Variants in MARCHF5 observed in about 807,000 individuals in gnomAD.
MARCHF5 encodes the protein membrane associated ring-CH-type finger 5, also known as E3 ubiquitin-protein ligase MARCHF5.
MARCHF5 carries 5 observed loss-of-function variants against 36.5 expected under a neutral mutation model. That is an observed-to-expected ratio of 0.14 (90% confidence interval 0.07 to 0.29). The LOEUF (loss-of-function observed/expected upper bound fraction) is 0.29. Ranked by LOEUF, MARCHF5 falls within the 10% of genes least tolerant of loss-of-function variation. The pLI, the probability that MARCHF5 is intolerant of heterozygous loss-of-function variation, is 1.00. For missense variants in MARCHF5, 179 were observed against 336.3 expected, an observed-to-expected ratio of 0.53 and a Z score of 3.66; for synonymous variants, 103 against 109.9, an observed-to-expected ratio of 0.94 and a Z score of 0.39.
At chr10:92,311,903 A>C (rs1843149327) in intron 2 of MARCHF5, among the ~76,000 whole-genome samples, 1 of 152,208 alleles carries the variant, frequency 6.6e-6, no homozygotes, top group Non-Finnish European at 1.5e-5. Flanking sequence ...ATGGAAAAAA[A>C]GTATAGCAGA....
At chr10:92,334,895 AT>A (rs993693779) in intron 2 of MARCHF5, among the ~76,000 whole-genome samples, 1 of 152,160 alleles carries the variant, frequency 6.6e-6, no homozygotes, top group Non-Finnish European at 1.5e-5. Context: ...AAGCTTCTTT[AT>A]TATACAAAAG....
intron 2 of MARCHF5, among the ~76,000 whole-genome samples, chr10:92,328,642 A>G (rs919423087): frequency 8.6e-5 from 13 of 151,518 alleles, no homozygotes; most frequent in African/African-American, 2.9e-4. Flanking sequence ...AACTCTGAGT[A>G]GAGTTATATT....
chr10:92,314,046 AAAAG>A (rs1843177711), intron 2 of MARCHF5, among the ~76,000 whole-genome samples: 2 of 152,034 alleles, frequency 1.3e-5, no homozygotes, highest in Admixed American at 1.3e-4. Context: ...AAGAAAAAGA[AAAAG>A]AAAAAAAATT....
At chr10:92,327,863 A>G (rs549380795) in intron 2 of MARCHF5, among the ~76,000 whole-genome samples, 1 of 152,266 alleles carries the variant, frequency 6.6e-6, no homozygotes, top group East Asian at 1.9e-4. Flanking sequence ...AAGCTAGCAT[A>G]AAAGGGAAAA....
At chr10:92,304,790 AC>A (rs941300608) in intron 1 of MARCHF5, among the ~76,000 whole-genome samples, 1 of 152,074 alleles carries the variant, frequency 6.6e-6, no homozygotes. Context: ...ATTCAGATTT[AC>A]CGATCCCCAC....
chr10:92,321,773 T>C (rs1375176496), intron 2 of MARCHF5, among the ~76,000 whole-genome samples: 2 of 152,124 alleles, frequency 1.3e-5, no homozygotes, highest in East Asian at 1.9e-4. Context: ...TTTGATAGTT[T>C]GTATCATACA....
At chr10:92,328,265 A>G (rs1334530058) in intron 2 of MARCHF5, among the ~76,000 whole-genome samples, 1 of 150,246 alleles carries the variant, frequency 6.7e-6, no homozygotes, top group African/African-American at 2.4e-5. Context: ...ATGTCTCCTT[A>G]CACTCCTCTT....
chr10:92,337,457 G>A (rs1843517237), intron 2 of MARCHF5, among the ~76,000 whole-genome samples: 1 of 152,020 alleles, frequency 6.6e-6, no homozygotes, highest in Non-Finnish European at 1.5e-5. Context: ...AGAGGTTGCA[G>A]CAGTGAGCCG....
At chr10:92,309,028 T>G (rs185418845) in intron 1 of MARCHF5, among the ~76,000 whole-genome samples, 9 of 152,242 alleles carry the variant, frequency 5.9e-5, no homozygotes, top group Admixed American at 5.9e-4. Context: ...AAATGTCAGT[T>G]CTAAAAAGTA....
intron 2 of MARCHF5, among the ~76,000 whole-genome samples, chr10:92,317,538 G>T (rs1040023275): frequency 7.9e-5 from 12 of 151,740 alleles, no homozygotes; most frequent in African/African-American, 2.7e-4. Flanking sequence ...TTTGTTTTTA[G>T]ATTGTTTAAG....
At chr10:92,292,890 C>A (rs1470601925) in intron 1 of MARCHF5, among the ~76,000 whole-genome samples, 3 of 151,930 alleles carry the variant, frequency 2.0e-5, no homozygotes, top group African/African-American at 7.3e-5. Context: ...TGTCAGTTTC[C>A]CCAGTTGTCT....
chr10:92,301,165 G>A (rs1734425697), intron 1 of MARCHF5, among the ~76,000 whole-genome samples: 3 of 152,032 alleles, frequency 2.0e-5, no homozygotes, highest in African/African-American at 7.2e-5. Context: ...GGGATTACAG[G>A]CATGAGCCAC....
intron 3 of MARCHF5, among the ~76,000 whole-genome samples, chr10:92,345,757 A>G: frequency 7.0e-6 from 1 of 142,022 alleles, no homozygotes; most frequent in East Asian, 2.1e-4. Context: ...GCAGTGGCGC[A>G]GTCACGGCTC....
At chr10:92,309,474 G>A (rs1843120437) in intron 1 of MARCHF5, among the ~76,000 whole-genome samples, 1 of 152,152 alleles carries the variant, frequency 6.6e-6, no homozygotes, top group South Asian at 2.1e-4. Flanking sequence ...TTATGCTGAT[G>A]TAGCTATTCT....
intron 2 of MARCHF5, among the ~76,000 whole-genome samples, chr10:92,315,989 T>C (rs1269068939): frequency 6.6e-6 from 1 of 152,196 alleles, no homozygotes; most frequent in Non-Finnish European, 1.5e-5. Context: ...AAAACTTTTA[T>C]CACTTTTTTC....
Position 92,326,372 on chromosome 10 carries a change from C to T in MARCHF5, c.239-14301C>T, listed in dbSNP as rs1000456015. On this transcript the variant is annotated intron_variant, in intron 2 of 5. Coordinates refer to ENST00000358935, the MANE Select transcript of MARCHF5 (RefSeq NM_017824.5). Reference sequence around the variant, plus strand: ...TCAGTTTGTAGATAAGAAGTAGACTCAGCAAATTTATGTAATGGAAGCCCA... The same window carrying T: ...TCAGTTTGTAGATAAGAAGTAGACTTAGCAAATTTATGTAATGGAAGCCCA... 2.6e-5 allele frequency among the ~76,000 whole-genome samples: 4 copies of T among 152,018 alleles called. No individual in the cohort carries two copies. The South Asian group carries it at 6.2e-4, about 24-fold the overall frequency.
intron 5 of MARCHF5, chr10:92,350,109 CAG>C: frequency 2.7e-6 from 1 of 371,490 alleles, no homozygotes; most frequent in Non-Finnish European, 4.8e-6. Flanking sequence ...AGTGGGATTA[CAG>C]TACTTTACGA....
At chr10:92,339,075 A>G (rs926822094) in intron 2 of MARCHF5, among the ~76,000 whole-genome samples, 1 of 152,130 alleles carries the variant, frequency 6.6e-6, no homozygotes, top group Admixed American at 6.5e-5. Flanking sequence ...TTAAATTAAA[A>G]AAATAAACTT....
At chr10:92,349,237 A>G (rs1326106689) in intron 3 of MARCHF5, 112 bp from the exon 4 acceptor site, 7 of 787,918 alleles carry the variant, frequency 8.9e-6, no homozygotes, top group Non-Finnish European at 1.4e-5. Context: ...TAAACTTTTT[A>G]TTTCTGTGTA....
Sources: gnomAD v4.1 joint callset for allele counts (sites outside exome capture counted in the v4.1 genomes callset) on GRCh38, gnomAD v4.1.1 for gene constraint, MANE v1.5 for transcripts, NCBI Gene and HGNC (gene_info 2026-07-23, HGNC 2026-07-21) for gene names.